CFAP92: variants seen among roughly 807,000 people sequenced by gnomAD.
CFAP92 encodes uncharacterized protein CFAP92.
A neutral mutation model predicts 106.3 loss-of-function variants in CFAP92; 86 were observed. The observed-to-expected ratio is 0.81, with a 90% CI of 0.68 to 0.97. CFAP92 has a LOEUF of 0.97. CFAP92 is among the 50% of genes least tolerant of loss of function. The pLI, the probability that CFAP92 is intolerant of heterozygous loss-of-function variation, is 0.00. For synonymous variants in CFAP92, 477 were observed against 506.4 expected (o/e 0.94, Z 0.78); for missense variants, 1,204 against 1,283.8 (o/e 0.94, Z 0.95).
chr3:128,926,452 T>G (rs1185190629), intron 12 of CFAP92, among the ~76,000 whole-genome samples: 1 of 152,176 alleles, frequency 6.6e-6, no homozygotes, highest in African/African-American at 2.4e-5. Flanking sequence ...GAGGCAGAAG[T>G]TGCAGTGAGC....
upstream of CFAP92, among the ~76,000 whole-genome samples, chr3:129,007,600 C>T (rs1945129807): frequency 1.3e-5 from 2 of 152,212 alleles, no homozygotes; most frequent in Admixed American, 6.5e-5. Context: ...TCTCATCTTC[C>T]CTCTAAGGTT....
chr3:128,930,600 A>G (rs1398844404), intron 12 of CFAP92, among the ~76,000 whole-genome samples: 1 of 151,928 alleles, frequency 6.6e-6, no homozygotes, highest in East Asian at 2.0e-4. Flanking sequence ...AAAATACAAA[A>G]ATTAGGCAGG....
the CFAP92 span, among the ~76,000 whole-genome samples, chr3:129,024,530 C>CA: frequency 3.9e-4 from 49 of 126,366 alleles, no homozygotes; most frequent in Admixed American, 2.4e-3. Flanking sequence ...GACTCCGTCG[C>CA]AAAAAAAAAG....
At chr3:128,991,949 A>T in intron 2 of CFAP92, 1 of 911,958 alleles carries the variant, frequency 1.1e-6, no homozygotes, top group Non-Finnish European at 1.3e-6. Context: ...GGCCAATAAA[A>T]TGCTAGCAGG....
chr3:129,013,340 T>G, the CFAP92 span, among the ~76,000 whole-genome samples: 2 of 152,292 alleles, frequency 1.3e-5, no homozygotes, highest in South Asian at 4.1e-4. Flanking sequence ...CTAAAAGCAC[T>G]CTCACTGCCT....
At chr3:128,920,512 G>A (rs936736968) in intron 12 of CFAP92, among the ~76,000 whole-genome samples, 3 of 152,192 alleles carry the variant, frequency 2.0e-5, no homozygotes, top group African/African-American at 7.2e-5. Context: ...TAGAATTGAA[G>A]AAATCATCAT....
chr3:128,913,467 A>G (rs1258546198), intron 15 of CFAP92, among the ~76,000 whole-genome samples: 2 of 152,132 alleles, frequency 1.3e-5, no homozygotes, highest in African/African-American at 4.8e-5. Flanking sequence ...TTCTGCTGGC[A>G]CTTGAAAGAT....
chr3:129,001,503 G>C (rs948126598), intron 1 of CFAP92: 39 of 1,302,006 alleles, frequency 3.0e-5, no homozygotes, highest in Non-Finnish European at 3.7e-5. Flanking sequence ...CACGGTCCCC[G>C]GCGCCGCTCC....
At chr3:128,981,186 A>G (rs574091040) in intron 4 of CFAP92, among the ~76,000 whole-genome samples, 111 of 148,632 alleles carry the variant, frequency 7.5e-4, no homozygotes, top group Non-Finnish European at 1.4e-3. Context: ...ACAGGCGCCC[A>G]CCACCACACC....
intron 9 of CFAP92, among the ~76,000 whole-genome samples, chr3:128,953,773 G>A (rs1302989965): frequency 2.5e-5 from 3 of 121,046 alleles, no homozygotes; most frequent in South Asian, 2.7e-4. Context: ...GCGCCACCAC[G>A]CCTGACTGGT....
At chr3:128,971,079 A>T in intron 8 of CFAP92, 1 of 652,566 alleles carries the variant, frequency 1.5e-6, no homozygotes, top group Non-Finnish European at 2.6e-6. Flanking sequence ...CACATTTCCT[A>T]GCTGTGTGAT....
rs1938682664 is a variant in CFAP92 at position 128,933,870 on chromosome 3, G to GC, written c.2454-874_2454-873insG. Among the ~76,000 whole-genome samples the GC allele has an allele frequency of 9.9e-5, 15 of 152,254 alleles. 1 individual carries two copies. The South Asian group carries it at 3.1e-3, about 32-fold the overall frequency. On this transcript the variant is annotated intron_variant, in intron 11 of 15. Coordinates refer to ENST00000645291, the MANE Select transcript of CFAP92 (RefSeq NM_001394090.1). ...AGAAAAGCCTCTTAGCCCCGACCAA[G>GC]TTCTTTCTCCTTCCTATCTCTCCAG...
the CFAP92 span, among the ~76,000 whole-genome samples, chr3:129,026,038 C>T: frequency 1.3e-5 from 2 of 152,372 alleles, no homozygotes; most frequent in African/African-American, 4.8e-5. Context: ...TCCTCCAGCT[C>T]TTAGTGCTTT....
upstream of CFAP92, chr3:129,003,876 C>A: frequency 1.4e-6 from 2 of 1,412,198 alleles, no homozygotes; most frequent in East Asian, 3.1e-5. Flanking sequence ...CTGCGTCAGG[C>A]GCAGGGCGCC....
chr3:129,001,754 C>T (rs775534884), intron 1 of CFAP92: 14 of 1,541,388 alleles, frequency 9.1e-6, no homozygotes, highest in East Asian at 2.5e-5. Flanking sequence ...GGCTGGACCG[C>T]GGCGTGGAGA....
chr3:128,912,576 T>C (rs1453983878), intron 15 of CFAP92: 2 of 1,614,044 alleles, frequency 1.2e-6, no homozygotes, highest in African/African-American at 2.7e-5. Context: ...CGAGCCTATA[T>C]CTGTGCCCAC....
intron 1 of CFAP92, 185 bp downstream of exon 1, chr3:128,993,795 C>T (rs908570220): frequency 2.5e-5 from 10 of 405,676 alleles, no homozygotes; most frequent in African/African-American, 2.1e-4. Flanking sequence ...AAGCCCTGTC[C>T]CCAAGACAGA....
chr3:129,002,245 A>C, intron 1 of CFAP92: 1 of 1,530,024 alleles, frequency 6.5e-7, no homozygotes, highest in Non-Finnish European at 8.7e-7. Context: ...CTGGAGGAGG[A>C]GAATAGCAGC....
In CFAP92 at chr3:128,913,883, G is replaced by A. The variant is rs199678203; in HGVS notation, c.3280+1236C>T. On this transcript the variant is annotated intron_variant, in intron 15 of 15. Transcript: ENST00000645291. ...AGGCTGCTTAGAGTTTCTTTGCACA[G>A]GAGAAGTTTGGGGAGGGGCTGTCAG... 3.9e-5 allele frequency among the ~76,000 whole-genome samples: 6 copies of A among 152,228 alleles called. No homozygotes were observed. The East Asian group carries it at 1.2e-3, about 29-fold the overall frequency.
Sources: gnomAD v4.1 joint callset for allele counts (sites outside exome capture counted in the v4.1 genomes callset) on GRCh38, gnomAD v4.1.1 for gene constraint, MANE v1.5 for transcripts, NCBI Gene and HGNC (gene_info 2026-07-23, HGNC 2026-07-21) for gene names.